Variants in ASIC2 observed in about 807,000 individuals in gnomAD.
ASIC2 encodes acid sensing ion channel subunit 2.
In ASIC2, 25 loss-of-function variants were observed where a neutral mutation model predicts 57.3. That is an observed-to-expected ratio of 0.44 (90% CI 0.32 to 0.61). The LOEUF (loss-of-function observed/expected upper bound fraction) is 0.61. Ranked by LOEUF, ASIC2 falls within the 20% of genes least tolerant of loss-of-function variation. The probability of loss-of-function intolerance (pLI) is 0.06; values close to 1 mark genes in which losing one functional copy is unlikely to be tolerated. For synonymous variants in ASIC2, 319 were observed against 307.5 expected, an observed-to-expected ratio of 1.04 and a Z score of -0.39; for missense variants, 641 against 738.1, an observed-to-expected ratio of 0.87 and a Z score of 1.52.
chr17:33,498,798 T>C (rs558858087), intron 1 of ASIC2, among the ~76,000 whole-genome samples: 2 of 152,228 alleles, frequency 1.3e-5, no homozygotes, highest in Non-Finnish European at 2.9e-5. Context: ...TGAGTGTGTG[T>C]GTGTGCCATG....
intron 1 of ASIC2, among the ~76,000 whole-genome samples, chr17:33,335,970 C>T (rs529552760): frequency 6.6e-5 from 10 of 152,240 alleles, no homozygotes; most frequent in African/African-American, 2.4e-4. Flanking sequence ...TTTGAGTCTC[C>T]ATGCTTGATT....
intron 1 of ASIC2, among the ~76,000 whole-genome samples, chr17:33,884,905 A>G (rs1914792114): frequency 6.6e-6 from 1 of 152,204 alleles, no homozygotes; most frequent in Non-Finnish European, 1.5e-5. Context: ...AAGCATTATC[A>G]TTACTTGGGG....
intron 1 of ASIC2, among the ~76,000 whole-genome samples, chr17:33,517,512 C>T (rs1223256096): frequency 6.6e-6 from 1 of 152,186 alleles, no homozygotes; most frequent in East Asian, 1.9e-4. Flanking sequence ...GTGATTCTAG[C>T]CGAGGTCTCT....
chr17:33,326,207 A>G (rs1469059173), intron 1 of ASIC2, among the ~76,000 whole-genome samples: 3 of 152,228 alleles, frequency 2.0e-5, no homozygotes, highest in African/African-American at 4.8e-5. Flanking sequence ...GATTTTTACC[A>G]GTAAAACCCT....
At chr17:33,859,430 G>A (rs554003405) in intron 1 of ASIC2, among the ~76,000 whole-genome samples, 1 of 152,276 alleles carries the variant, frequency 6.6e-6, no homozygotes, top group South Asian at 2.1e-4. Flanking sequence ...TTAAAGAGAG[G>A]CAGGCAATAT....
chr17:33,802,044 G>C (rs1912147327), intron 1 of ASIC2, among the ~76,000 whole-genome samples: 1 of 152,202 alleles, frequency 6.6e-6, no homozygotes, highest in Admixed American at 6.5e-5. Context: ...TGGAGAGAAG[G>C]TGTTTTGATT....
intron 1 of ASIC2, among the ~76,000 whole-genome samples, chr17:34,100,292 G>C (rs1368991155): frequency 6.6e-6 from 1 of 151,488 alleles, no homozygotes. Flanking sequence ...GTGTGGATAA[G>C]CGGCATCATG....
At chr17:34,071,459 T>C (rs1909396600) in intron 1 of ASIC2, 2 of 151,772 alleles carry the variant, frequency 1.3e-5, no homozygotes, top group African/African-American at 2.4e-5. Context: ...TCCCTACCGA[T>C]GATCAGAGAA....
At chr17:33,299,093 A>G (rs919722033) in intron 1 of ASIC2, among the ~76,000 whole-genome samples, 12 of 152,250 alleles carry the variant, frequency 7.9e-5, no homozygotes, top group Middle Eastern at 3.2e-3. Flanking sequence ...AAACTACTTT[A>G]AAGTTCATAT....
intron 1 of ASIC2, among the ~76,000 whole-genome samples, chr17:33,989,418 C>T (rs1905933257): frequency 6.6e-6 from 1 of 151,944 alleles, no homozygotes; most frequent in Admixed American, 6.5e-5. Context: ...TGGAAATGGA[C>T]TAATTTCCAG....
intron 1 of ASIC2, among the ~76,000 whole-genome samples, chr17:33,258,710 A>C (rs978113905): frequency 3.3e-5 from 5 of 152,202 alleles, no homozygotes; most frequent in Non-Finnish European, 5.9e-5. Context: ...GCCAGAAGTC[A>C]AGACATATAC....
chr17:33,365,701 G>T (rs1908782128), intron 1 of ASIC2, among the ~76,000 whole-genome samples: 1 of 152,076 alleles, frequency 6.6e-6, no homozygotes, highest in Non-Finnish European at 1.5e-5. Context: ...TATAACAACA[G>T]GTTGGGCCTG....
chr17:33,673,906 T>TTTTTTTTTA (rs1181535727), intron 1 of ASIC2, among the ~76,000 whole-genome samples: 1 of 151,684 alleles, frequency 6.6e-6, no homozygotes, highest in African/African-American at 2.4e-5. Flanking sequence ...TCTTTTTTTT[T>TTTTTTTTTA]TTTTTGGAGA....
At chr17:33,874,424 A>G (rs1054740138) in intron 1 of ASIC2, among the ~76,000 whole-genome samples, 1 of 152,236 alleles carries the variant, frequency 6.6e-6, no homozygotes, top group Non-Finnish European at 1.5e-5. Context: ...ATTATTTGTT[A>G]TTTATCTGAA....
chr17:33,849,516 A>G (rs1457782704), intron 1 of ASIC2, among the ~76,000 whole-genome samples: 1 of 152,182 alleles, frequency 6.6e-6, no homozygotes, highest in Non-Finnish European at 1.5e-5. Context: ...TGTTCTCTTA[A>G]AAACCATGCT....
intron 1 of ASIC2, among the ~76,000 whole-genome samples, chr17:33,636,393 C>A (rs1906367298): frequency 6.6e-6 from 1 of 152,202 alleles, no homozygotes; most frequent in Admixed American, 6.5e-5. Context: ...AGGCAGCCTT[C>A]AGTCCCTCTC....
Position 33,865,574 on chromosome 17 carries a change from C to T in ASIC2, c.555+290404G>A, listed in dbSNP as rs143132397. Among the ~76,000 whole-genome samples the T allele has an allele frequency of 8.2e-3, 1,243 of 151,996 alleles. 23 individuals carry two copies. Among genetic ancestry groups the T allele is most frequent in the African/African-American group, 0.029 (1,185 of 41,454 alleles). ...TATTATTTCATAATCTGCTTTCTTT[C>T]CTCTAATCTATGGTGGATGCTCTTT... On this transcript the variant is annotated intron_variant, in intron 1 of 9. Coordinates refer to the ASIC2 transcript ENST00000359872.
intron 1 of ASIC2, among the ~76,000 whole-genome samples, chr17:34,100,887 T>G (rs1456605498): frequency 2.0e-5 from 3 of 152,212 alleles, no homozygotes. Context: ...TAGTGAAATA[T>G]AAGGGCTATG....
chr17:33,738,406 G>A (rs1909992426), intron 1 of ASIC2, among the ~76,000 whole-genome samples: 1 of 152,072 alleles, frequency 6.6e-6, no homozygotes, highest in African/African-American at 2.4e-5. Context: ...TGCATTTTCT[G>A]GTCTGCCTCT....
Sources: allele counts gnomAD v4.1 joint callset (sites outside exome capture counted in the v4.1 genomes callset), GRCh38; gene constraint gnomAD v4.1.1; transcripts MANE v1.5; gene names NCBI Gene and HGNC (gene_info 2026-07-23, HGNC 2026-07-21).